LIPF: variants seen among roughly 807,000 people sequenced by gnomAD.
LIPF encodes lipase F, gastric type.
A neutral mutation model predicts 38.0 loss-of-function variants in LIPF; 25 were observed. The ratio of observed to expected loss-of-function variants is 0.66; its 90% CI spans 0.48 to 0.92. The LOEUF (loss-of-function observed/expected upper bound fraction) is 0.92. Ranked by LOEUF, LIPF falls within the 40% of genes least tolerant of loss-of-function variation. The probability of loss-of-function intolerance (pLI) is 0.00; values close to 1 mark genes in which losing one functional copy is unlikely to be tolerated. For missense variants in LIPF, 410 were observed against 469.9 expected (o/e 0.87, Z 1.18); for synonymous variants, 161 against 156.2 (o/e 1.03, Z -0.23).
At chr10:88,668,336 T>C (rs1253514717) in intron 3 of LIPF, among the ~76,000 whole-genome samples, 2 of 152,200 alleles carry the variant, frequency 1.3e-5, no homozygotes, top group African/African-American at 4.8e-5. Flanking sequence ...TGGCATATAA[T>C]AAGCTGCTCA....
At position 88,671,836 on chromosome 10, in the gene LIPF, T is replaced by G; in HGVS notation, c.540T>G (p.Ile180Met). The G allele has an allele frequency of 6.2e-7, 1 of 1,610,984 alleles. No homozygotes were observed. Among genetic ancestry groups the G allele is most frequent in the Non-Finnish European group, 8.5e-7 (1 of 1,178,992 alleles). ...GHSQGTTIGF[I>M]AFSTNPSLAK... ...TTCCTTGTTCTTTTTCAGGTTTTAT[T>G]GCCTTTTCCACCAATCCCAGCCTGG... Residue 180 changes from isoleucine (I) to methionine (M), a missense_variant, in exon 6 of 10, where the codon ATT (isoleucine) becomes ATG (methionine). Physicochemically the swap from Ile to Met is conservative, Grantham distance 10. Coordinates refer to ENST00000238983, the MANE Select transcript of LIPF (RefSeq NM_004190.4).
intron 3 of LIPF, 47 bp from the exon 4 acceptor site, chr10:88,668,511 A>C: frequency 1.9e-6 from 3 of 1,540,274 alleles, no homozygotes; most frequent in Non-Finnish European, 2.7e-6. Context: ...CATTTATCCT[A>C]GAATAAGGAA....
chr10:88,675,581 T>G lies in LIPF; in HGVS notation c.817-5T>G. On this transcript the variant is annotated splice_polypyrimidine_tract_variant and splice_region_variant and intron_variant, in intron 7 of 9. Coordinates refer to ENST00000238983, the MANE Select transcript of LIPF (RefSeq NM_004190.4). ...TATATAATATGTGTGTCTGTTGATTTCTAGAGTCGCTTGGATGTGTATCTA... is the reference window on the plus strand; with the variant it reads ...TATATAATATGTGTGTCTGTTGATTGCTAGAGTCGCTTGGATGTGTATCTA... 6.2e-7 allele frequency: 1 copy of G among 1,603,644 alleles called. No homozygotes were observed.
At chr10:88,670,083 AT>A in intron 5 of LIPF, 137 bp downstream of exon 5, 1 of 647,500 alleles carries the variant, frequency 1.5e-6, no homozygotes, top group Non-Finnish European at 2.8e-6. Flanking sequence ...CATAGGGACA[AT>A]TATAATTCCT....
At chr10:88,665,736 G>GTTTTTTTT (rs1841501585) in intron 1 of LIPF, among the ~76,000 whole-genome samples, 1 of 121,892 alleles carries the variant, frequency 8.2e-6, no homozygotes, top group African/African-American at 3.1e-5. Context: ...GTTAAAAACT[G>GTTTTTTTT]ATTTTTTTTT....
Position 88,671,872 on chromosome 10 carries a change from C to A in LIPF, c.576C>A (p.Ile192=). The A allele has an allele frequency of 6.2e-7, 1 of 1,613,332 alleles. No individual in the cohort carries two copies. The highest frequency in any genetic ancestry group is 8.5e-7 in the Non-Finnish European group (1 of 1,179,634). The change falls in exon 6 of 10, where the codon ATC becomes ATA. Residue 192 remains isoleucine, a synonymous_variant. Coordinates refer to ENST00000238983, the MANE Select transcript of LIPF (RefSeq NM_004190.4). ...CCAATCCCAGCCTGGCTAAAAGAAT[C>A]AAAACCTTCTATGCTCTAGCTCCTG... ...FSTNPSLAKR[I]KTFYALAPVA... is the part of the protein sequence containing the mutation.
chr10:88,673,519 TAGATA>T (rs1841635855), intron 6 of LIPF, 64 bp from the exon 7 acceptor site: 2 of 1,153,668 alleles, frequency 1.7e-6, no homozygotes, highest in African/African-American at 1.6e-5. Flanking sequence ...ATAAGTAGAT[TAGATA>T]AACTAGTGAG....
At chr10:88,665,398 C>A in intron 1 of LIPF, 1 of 649,486 alleles carries the variant, frequency 1.5e-6, no homozygotes, top group South Asian at 1.7e-5. Flanking sequence ...CAAGATAGTT[C>A]ATTTCACGTA....
intron 2 of LIPF, 64 bp downstream of exon 2, chr10:88,667,466 G>A: frequency 4.5e-6 from 5 of 1,102,222 alleles, no homozygotes; most frequent in Non-Finnish European, 6.8e-6. Flanking sequence ...ATCATAATGA[G>A]TTAAAGATTT....
chr10:88,678,680 A>G lies in LIPF; in HGVS notation c.1196A>G (p.Ter399TrpextTer4), dbSNP rs1319350047. ...IVSMISEDKK[*>W] The stretch of plus-strand genomic sequence containing the variant: ...TCTATGATATCAGAAGATAAAAAGT[A>G]GTTCTGGATTTAAAGAATTATCCGT... The change falls in exon 10 of 10, where the codon TAG becomes TGG. Residue 399 changes from the stop codon to tryptophan, a stop_lost. Coordinates refer to ENST00000238983, the MANE Select transcript of LIPF (RefSeq NM_004190.4). 7.6e-6 allele frequency: 12 copies of G among 1,577,258 alleles called. No homozygotes were observed. Among genetic ancestry groups the G allele is most frequent in the Non-Finnish European group, 9.6e-6 (11 of 1,146,764 alleles).
intron 4 of LIPF, 168 bp downstream of exon 4, chr10:88,668,924 T>C: frequency 1.6e-6 from 1 of 607,882 alleles, no homozygotes; most frequent in Non-Finnish European, 2.8e-6. Flanking sequence ...ATTCCTAGGG[T>C]AGCTTTTCCT....
At chr10:88,669,712 TA>T in intron 4 of LIPF, 124 bp from the exon 5 acceptor site, 1 of 645,402 alleles carries the variant, frequency 1.5e-6, no homozygotes, top group Non-Finnish European at 2.7e-6. Context: ...TGATGGTCTA[TA>T]AGCATCAATG....
At chr10:88,665,573 C>T (rs1210680927) in intron 1 of LIPF, 2 of 1,529,042 alleles carry the variant, frequency 1.3e-6, no homozygotes, top group African/African-American at 1.4e-5. Flanking sequence ...GGTTAAGTGT[C>T]CTCACTTTAC....
chr10:88,668,036 C>T (rs896290724), intron 3 of LIPF, among the ~76,000 whole-genome samples: 2 of 152,236 alleles, frequency 1.3e-5, no homozygotes, highest in East Asian at 3.9e-4. Context: ...AGCTCACTCT[C>T]AGAAACAGTA....
intron 5 of LIPF, among the ~76,000 whole-genome samples, chr10:88,670,577 A>T (rs1000153663): frequency 1.3e-5 from 2 of 152,186 alleles, no homozygotes; most frequent in African/African-American, 4.8e-5. Context: ...AAGACAGAAT[A>T]GCAAGTGAGA....
chr10:88,670,026 C>A (rs17333810), intron 5 of LIPF, 80 bp downstream of exon 5: 27,108 of 820,458 alleles, frequency 0.033, 598 homozygotes, highest in Middle Eastern at 0.056. Flanking sequence ...TGTTAGCAAC[C>A]ACACTAATTG....
In LIPF at chr10:88,673,694, T is replaced by A. The variant is rs1447110659; in HGVS notation, c.776T>A (p.Leu259Ter). ...CTGAATCTCCTTTGCAGCAATGCCT[T>A]ATTTATAATTTGTGGATTTGACAGT... ...EMLNLLCSNA[L>*]FIICGFDSKN... The change falls in exon 7 of 10, where the codon TTA becomes TAA. Residue 259 changes from leucine (L) to a stop codon, truncating the protein, a stop_gained. Coordinates refer to ENST00000238983, the MANE Select transcript of LIPF (RefSeq NM_004190.4). LOFTEE classifies it high-confidence loss of function. 6.2e-7 allele frequency: 1 copy of A among 1,613,350 alleles called. No individual in the cohort carries two copies. The highest frequency in any genetic ancestry group is 1.7e-5 in the Admixed American group (1 of 59,990).
At chr10:88,673,884 CCAATTTAAT>C (rs1841643706) in intron 7 of LIPF, 150 bp downstream of exon 7, 1 of 676,332 alleles carries the variant, frequency 1.5e-6, no homozygotes, top group African/African-American at 1.8e-5. Flanking sequence ...ATCATTGCTC[CCAATTTAAT>C]CACTTCCAGC....
Position 88,678,479 on chromosome 10 carries a change from ATGTACCAATTGCAG to A in LIPF, c.999_1012del (p.Pro334GlufsTer9), listed in dbSNP as rs759254902. On this transcript the variant is annotated frameshift_variant, in exon 10 of 10. Transcript: ENST00000238983. LOFTEE classifies it low-confidence loss of function (END_TRUNC). ...CCCTACTACAATGTGACAGCCATGA[ATGTACCAATTGCAG>A]TGTGGAACGGTGGCAAGGACCTGTT... is the stretch of plus-strand genomic sequence containing the variant. The A allele has an allele frequency of 9.3e-6, 15 of 1,614,056 alleles. No individual in the cohort carries two copies. Among genetic ancestry groups the A allele is most frequent in the African/African-American group, 1.3e-5 (1 of 75,054 alleles).
Sources: allele counts gnomAD v4.1 joint callset (sites outside exome capture counted in the v4.1 genomes callset), GRCh38; gene constraint gnomAD v4.1.1; transcripts MANE v1.5; gene names NCBI Gene and HGNC (gene_info 2026-07-23, HGNC 2026-07-21).